ACSS3: variants seen among roughly 807,000 people sequenced by gnomAD.
ACSS3 encodes the protein acyl-CoA synthetase short chain family member 3, also known as acyl-CoA synthetase short-chain family member 3, mitochondrial.
In ACSS3, 64 loss-of-function variants were observed where a neutral mutation model predicts 84.2. That is an observed-to-expected ratio of 0.76 (90% CI 0.62 to 0.94). ACSS3 has a LOEUF of 0.94. Ranked by LOEUF, ACSS3 falls within the 40% of genes least tolerant of loss-of-function variation. The pLI is 0.00. For missense variants in ACSS3, 815 were observed against 867.6 expected (o/e 0.94, Z 0.76); for synonymous variants, 317 against 310.1 (o/e 1.02, Z -0.23).
chr12:81,165,458 A>G (rs1351373594), intron 7 of ACSS3, among the ~76,000 whole-genome samples: 2 of 152,174 alleles, frequency 1.3e-5, no homozygotes, highest in African/African-American at 4.8e-5. Flanking sequence ...ATCCTGGCTA[A>G]CACAGTGAAA....
chr12:81,079,525 T>C (rs956967379), intron 1 of ACSS3, among the ~76,000 whole-genome samples: 1 of 152,234 alleles, frequency 6.6e-6, no homozygotes, highest in Non-Finnish European at 1.5e-5. Context: ...GTCTCCACCA[T>C]GCCCAGTCCT....
At chr12:81,145,218 G>A (rs1488463426) in intron 5 of ACSS3, among the ~76,000 whole-genome samples, 1 of 151,652 alleles carries the variant, frequency 6.6e-6, no homozygotes, top group Admixed American at 6.6e-5. Flanking sequence ...GCCCGGCCCA[G>A]GTTTTCTCTG....
chr12:81,243,388 C>T (rs7309247), intron 13 of ACSS3, among the ~76,000 whole-genome samples: 32 of 152,106 alleles, frequency 2.1e-4, no homozygotes, highest in African/African-American at 4.3e-4. Context: ...GAACATTCCA[C>T]GCTCATGGGT....
chr12:81,180,277 C>A (rs2030838417), intron 8 of ACSS3, among the ~76,000 whole-genome samples: 1 of 152,158 alleles, frequency 6.6e-6, no homozygotes, highest in Admixed American at 6.5e-5. Flanking sequence ...ATGCTCGTTA[C>A]CTGGATTACT....
At chr12:81,176,037 C>A (rs978794595) in intron 8 of ACSS3, among the ~76,000 whole-genome samples, 18 of 152,064 alleles carry the variant, frequency 1.2e-4, no homozygotes, top group Admixed American at 1.0e-3. Flanking sequence ...TGCTAAAAAA[C>A]CATATGAAAG....
intron 8 of ACSS3, among the ~76,000 whole-genome samples, chr12:81,195,135 T>A (rs2135884046): frequency 6.6e-6 from 1 of 152,168 alleles, no homozygotes; most frequent in Middle Eastern, 3.4e-3. Flanking sequence ...TTGGTTGCTC[T>A]TTGCCTACAC....
At chr12:81,139,402 A>G (rs185388985) in intron 4 of ACSS3, 137 bp downstream of exon 4, 3 of 968,532 alleles carry the variant, frequency 3.1e-6, no homozygotes, top group Non-Finnish European at 2.9e-6. Context: ...TCTAAAAAAT[A>G]TATGAATAAG....
intron 13 of ACSS3, among the ~76,000 whole-genome samples, chr12:81,243,749 C>T (rs1219079567): frequency 6.6e-6 from 1 of 152,112 alleles, no homozygotes; most frequent in Non-Finnish European, 1.5e-5. Context: ...CAAAATATTT[C>T]TAATTCCTCC....
intron 8 of ACSS3, among the ~76,000 whole-genome samples, chr12:81,177,197 C>A (rs1047334669): frequency 6.6e-6 from 1 of 152,108 alleles, no homozygotes; most frequent in Non-Finnish European, 1.5e-5. Context: ...AAATCTACAG[C>A]CAACAATATA....
chr12:81,139,621 A>ATAG (rs1565999361), intron 4 of ACSS3, among the ~76,000 whole-genome samples: 1 of 140,060 alleles, frequency 7.1e-6, no homozygotes, highest in Admixed American at 7.2e-5. Context: ...TATATATAAA[A>ATAG]TAATAATAAT....
chr12:81,198,731 T>A (rs375929402), intron 8 of ACSS3, among the ~76,000 whole-genome samples: 1 of 152,190 alleles, frequency 6.6e-6, no homozygotes. Context: ...CTTCATCTTT[T>A]AGTACTCTTG....
rs191042869 is a variant in ACSS3 at position 81,232,620 on chromosome 12, A to G, written c.1597-729A>G. Among the ~76,000 whole-genome samples the G allele has an allele frequency of 2.0e-3, 297 of 151,848 alleles. 1 individual carries two copies. Among genetic ancestry groups the G allele is most frequent in the African/African-American group, 6.7e-3 (278 of 41,480 alleles). ...CACTGTTTCATGCATGCTTCACAGA[A>G]GCTTTAGAAGGCAGAACTCATTTTC... On this transcript the variant is annotated intron_variant, in intron 12 of 15. Coordinates refer to ENST00000548058, the MANE Select transcript of ACSS3 (RefSeq NM_024560.4).
chr12:81,185,073 C>T (rs974108482), intron 8 of ACSS3, among the ~76,000 whole-genome samples: 9 of 151,612 alleles, frequency 5.9e-5, no homozygotes, highest in African/African-American at 1.2e-4. Context: ...ACTGATTTAA[C>T]GTACATAAAT....
intron 8 of ACSS3, among the ~76,000 whole-genome samples, chr12:81,194,971 C>T (rs1390431095): frequency 6.6e-6 from 1 of 151,994 alleles, no homozygotes; most frequent in Non-Finnish European, 1.5e-5. Flanking sequence ...TTGTACATCA[C>T]ATTTTTAATA....
intron 1 of ACSS3, among the ~76,000 whole-genome samples, chr12:81,083,217 A>T (rs1203638905): frequency 6.6e-6 from 1 of 152,176 alleles, no homozygotes; most frequent in African/African-American, 2.4e-5. Flanking sequence ...AGGCATTTGC[A>T]TTTACTTCTT....
At chr12:81,169,934 A>AT (rs2029900251) in intron 7 of ACSS3, among the ~76,000 whole-genome samples, 1 of 152,164 alleles carries the variant, frequency 6.6e-6, no homozygotes, top group Admixed American at 6.6e-5. Context: ...CTGTGGAAAC[A>AT]TTCCTTGGGT....
chr12:81,238,917 C>T (rs1048620737), intron 13 of ACSS3, among the ~76,000 whole-genome samples: 3 of 151,036 alleles, frequency 2.0e-5, no homozygotes, highest in East Asian at 3.9e-4. Context: ...ATTTGGTCTT[C>T]CATTTTCTAG....
chr12:81,156,887 C>T (rs1305287879), intron 7 of ACSS3, among the ~76,000 whole-genome samples: 1 of 152,086 alleles, frequency 6.6e-6, no homozygotes, highest in Non-Finnish European at 1.5e-5. Flanking sequence ...AGGCAGGTGG[C>T]TGGTATTTCT....
intron 9 of ACSS3, chr12:81,199,954 T>A (rs909271589): frequency 4.5e-6 from 1 of 221,288 alleles, no homozygotes; most frequent in South Asian, 6.2e-5. Context: ...TTCTATAATA[T>A]CTAATATATT....
Sources: allele counts gnomAD v4.1 joint callset (sites outside exome capture counted in the v4.1 genomes callset), GRCh38; gene constraint gnomAD v4.1.1; transcripts MANE v1.5; gene names NCBI Gene and HGNC (gene_info 2026-07-23, HGNC 2026-07-21).